DENND1A: variants seen among roughly 807,000 people sequenced by gnomAD.
The protein encoded by DENND1A is DENN domain containing 1A.
A neutral mutation model predicts 113.7 loss-of-function variants in DENND1A; 51 were observed. The ratio of observed to expected loss-of-function variants is 0.45; its 90% confidence interval spans 0.36 to 0.57. The LOEUF is 0.57. DENND1A is among the 20% of genes least tolerant of loss of function. DENND1A has a pLI of 0.00. For missense variants in DENND1A, 1,258 were observed against 1,395.9 expected (o/e 0.90, Z 1.57); for synonymous variants, 565 against 570.8 (o/e 0.99, Z 0.14).
At chr9:123,808,062 C>G (rs994422260) in intron 2 of DENND1A, among the ~76,000 whole-genome samples, 1 of 152,088 alleles carries the variant, frequency 6.6e-6, no homozygotes, top group Non-Finnish European at 1.5e-5. Context: ...CACGTCTCTA[C>G]TAAAAATACA....
chr9:123,912,736 G>A lies in DENND1A; in HGVS notation c.17+17153C>T, dbSNP rs991829385. On this transcript the variant is annotated intron_variant, in intron 1 of 23. Coordinates refer to ENST00000394215, the MANE Select transcript of DENND1A (RefSeq NM_001352964.2). ...TCAGTGGAGACCCTGGACTTCCACC[G>A]CCTCTGGCAGTAACGAGGTTCCCCT... Among the ~76,000 whole-genome samples the A allele has an allele frequency of 3.9e-5, 6 of 152,056 alleles. No homozygotes were observed. In the East Asian group the frequency reaches 7.7e-4, roughly 20 times the overall value.
intron 5 of DENND1A, among the ~76,000 whole-genome samples, chr9:123,728,515 C>CATCAGT (rs146279971): frequency 0.017 from 1,430 of 84,176 alleles, 71 homozygotes; most frequent in African/African-American, 0.08. Flanking sequence ...AAAAAACAGG[C>CATCAGT]ATCAGTCATC....
intron 8 of DENND1A, among the ~76,000 whole-genome samples, chr9:123,656,222 G>A (rs532091182): frequency 1.1e-4 from 16 of 152,194 alleles, no homozygotes; most frequent in Admixed American, 9.8e-4. Flanking sequence ...GAGCGCACAC[G>A]CAGGGAAGAG....
At chr9:123,539,275 G>GTGAACTGCACCAAGAC (rs60816167) in intron 13 of DENND1A, among the ~76,000 whole-genome samples, 4 of 152,106 alleles carry the variant, frequency 2.6e-5, no homozygotes, top group African/African-American at 9.6e-5. Flanking sequence ...GAGGAACATG[G>GTGAACTGCACCAAGAC]TATGCCATCA....
At chr9:123,593,256 T>C (rs2059540795) in intron 11 of DENND1A, among the ~76,000 whole-genome samples, 1 of 152,246 alleles carries the variant, frequency 6.6e-6, no homozygotes, top group Non-Finnish European at 1.5e-5. Flanking sequence ...GTAAATGATT[T>C]AATCCTAGCT....
chr9:123,632,709 T>C (rs2061530804), intron 9 of DENND1A, among the ~76,000 whole-genome samples: 1 of 152,140 alleles, frequency 6.6e-6, no homozygotes, highest in Non-Finnish European at 1.5e-5. Flanking sequence ...CTCTGTACCA[T>C]CTTCTCCAAG....
At position 123,382,061 on chromosome 9, in the gene DENND1A, G is replaced by A. The variant is rs551131472; in HGVS notation, c.2584C>T (p.Arg862Cys). The A allele has an allele frequency of 1.2e-4, 181 of 1,506,472 alleles. 1 individual carries two copies. Among genetic ancestry groups the A allele is most frequent in the East Asian group, 1.1e-3 (47 of 43,090 alleles). The allele number at this position is 1,506,472 out of a possible 1,614,324, so 93.3% of individuals were successfully genotyped here. A position where few individuals can be genotyped will look rare whatever the true frequency, so the allele number is the denominator to read the frequency against. The change falls in exon 24 of 24, where the codon CGC becomes TGC. Residue 862 changes from arginine (R) to cysteine (C), a missense_variant. This residue lies in a region of DENND1A where 1,159 missense variants were observed against 1,231.7 expected (regional missense o/e 0.94). Coordinates refer to ENST00000394215, the MANE Select transcript of DENND1A (RefSeq NM_001352964.2). Reference protein sequence around the residue: ...TAWSGSTLPSRPATPNVATPF... With the variant: ...TAWSGSTLPSCPATPNVATPF... The stretch of plus-strand genomic sequence containing the variant: ...GTGGCTACATTCGGGGTGGCGGGGC[G>A]TGACGGGAGGGTGCTGCCTGACCAG...
intron 19 of DENND1A, among the ~76,000 whole-genome samples, chr9:123,429,941 C>T (rs952463861): frequency 3.5e-4 from 53 of 152,108 alleles, no homozygotes; most frequent in Admixed American, 9.2e-4. Context: ...TTTTTGCAAT[C>T]GATCCATTGA....
At chr9:123,897,660 G>C (rs1850976905) in intron 1 of DENND1A, among the ~76,000 whole-genome samples, 1 of 152,098 alleles carries the variant, frequency 6.6e-6, no homozygotes, top group African/African-American at 2.4e-5. Context: ...GCTCACCTCG[G>C]AGCCTACCAG....
chr9:123,466,496 C>A (rs1302052229), intron 13 of DENND1A, among the ~76,000 whole-genome samples: 1 of 152,134 alleles, frequency 6.6e-6, no homozygotes, highest in Non-Finnish European at 1.5e-5. Flanking sequence ...GATAGGTTTT[C>A]ACCATGTTGG....
chr9:123,736,046 G>A (rs560246829), intron 5 of DENND1A, among the ~76,000 whole-genome samples: 1 of 152,098 alleles, frequency 6.6e-6, no homozygotes, highest in East Asian at 1.9e-4. Context: ...TAGCTAGTTA[G>A]ACTGCACCTT....
intron 1 of DENND1A, among the ~76,000 whole-genome samples, chr9:123,921,651 T>C (rs530850161): frequency 6.6e-6 from 1 of 152,346 alleles, no homozygotes; most frequent in African/African-American, 2.4e-5. Flanking sequence ...GTCTTACTCA[T>C]TCAATAAAGC....
intron 5 of DENND1A, among the ~76,000 whole-genome samples, chr9:123,757,338 T>C (rs2070656418): frequency 6.6e-6 from 1 of 152,200 alleles, no homozygotes; most frequent in African/African-American, 2.4e-5. Context: ...TACAGACACA[T>C]ACTTTATTAA....
intron 2 of DENND1A, among the ~76,000 whole-genome samples, chr9:123,859,783 A>G (rs141126713): frequency 1.1e-4 from 16 of 152,290 alleles, no homozygotes; most frequent in Admixed American, 7.8e-4. Context: ...TAATATGGAA[A>G]TTTTAAAAAA....
intron 13 of DENND1A, among the ~76,000 whole-genome samples, chr9:123,544,873 C>T (rs775055366): frequency 1.3e-5 from 2 of 152,204 alleles, no homozygotes; most frequent in South Asian, 4.2e-4. Flanking sequence ...CCAAGGTGGG[C>T]GGATCACCAG....
chr9:123,912,012 G>A (rs1195994002), intron 1 of DENND1A, among the ~76,000 whole-genome samples: 1 of 151,976 alleles, frequency 6.6e-6, no homozygotes, highest in African/African-American at 2.4e-5. Flanking sequence ...TTTTAAATAG[G>A]TATTGACTGG....
intron 9 of DENND1A, among the ~76,000 whole-genome samples, chr9:123,633,631 C>T (rs1356626322): frequency 6.6e-6 from 1 of 152,022 alleles, no homozygotes; most frequent in East Asian, 1.9e-4. Flanking sequence ...AGAAAAATAG[C>T]CAGGCATGGT....
chr9:123,547,162 T>C lies in DENND1A; in HGVS notation c.993+10408A>G, dbSNP rs539861361. On this transcript the variant is annotated intron_variant, in intron 13 of 23. Coordinates refer to ENST00000394215, the MANE Select transcript of DENND1A (RefSeq NM_001352964.2). ...ATTTGGTGCCAATATTGAACAATGGTCATTTTTTCTCAATAGGCAACAAAT... is the reference window on the plus strand; with the variant it reads ...ATTTGGTGCCAATATTGAACAATGGCCATTTTTTCTCAATAGGCAACAAAT... Among the ~76,000 whole-genome samples, 6 of 152,342 alleles carry C rather than the reference T, an allele frequency of 3.9e-5. No homozygotes were observed. The South Asian group carries it at 1.2e-3, about 32-fold the overall frequency.
chr9:123,715,204 A>T (rs7871219), intron 5 of DENND1A, among the ~76,000 whole-genome samples: 12,768 of 152,088 alleles, frequency 0.084, 756 homozygotes, highest in African/African-American at 0.16. Flanking sequence ...ATAATAATAA[A>T]AAATAAATGT....
Sources: allele counts gnomAD v4.1 joint callset (sites outside exome capture counted in the v4.1 genomes callset), GRCh38; gene constraint gnomAD v4.1.1; regional missense constraint gnomAD v4.1.1; transcripts MANE v1.5; gene names NCBI Gene and HGNC (gene_info 2026-07-23, HGNC 2026-07-21).